The following PXMP2 variants were observed in gnomAD, a reference collection of about 807,000 sequenced individuals.
PXMP2 encodes the protein 22 kDa peroxisomal membrane protein.
In PXMP2, 13 loss-of-function variants were observed where a neutral mutation model predicts 20.2. The ratio of observed to expected loss-of-function variants is 0.64; its 90% CI spans 0.42 to 1.02. The LOEUF (loss-of-function observed/expected upper bound fraction) is 1.02, where lower values mean the gene tolerates loss of function less well. PXMP2 is among the 50% of genes least tolerant of loss of function. PXMP2 has a pLI of 0.00. For synonymous variants in PXMP2, 113 were observed against 111.2 expected, an observed-to-expected ratio of 1.02 and a Z score of -0.10; for missense variants, 284 against 251.8, an observed-to-expected ratio of 1.13 and a Z score of -0.87.
intron 4 of PXMP2, chr12:132,701,579 G>A (rs1007371631): frequency 4.9e-5 from 31 of 636,994 alleles, no homozygotes; most frequent in Non-Finnish European, 6.1e-5. Context: ...TTGCTAGTTC[G>A]GGATTCAGGA....
At chr12:132,701,871 C>T (rs1357093230) in intron 4 of PXMP2, among the ~76,000 whole-genome samples, 1 of 152,190 alleles carries the variant, frequency 6.6e-6, no homozygotes, top group Admixed American at 6.6e-5. Context: ...GGGCAAATCA[C>T]TTGAAGCCAG....
chr12:132,695,216 TAGTGCCCTTGCCAGTTAGTG>T (rs1371874119), intron 2 of PXMP2, among the ~76,000 whole-genome samples: 3 of 151,160 alleles, frequency 2.0e-5, no homozygotes, highest in South Asian at 4.2e-4. Flanking sequence ...CTTAGCCAGT[TAGTGCCCTTGCCAGTTAGTG>T]AGTGCCCTTG....
intron 2 of PXMP2, among the ~76,000 whole-genome samples, chr12:132,690,901 T>C (rs1439326242): frequency 1.3e-5 from 2 of 152,004 alleles, no homozygotes; most frequent in African/African-American, 4.8e-5. Flanking sequence ...ACTGTCTTAA[T>C]TGGGCTGAGA....
chr12:132,694,985 C>G (rs1379945327), intron 2 of PXMP2, among the ~76,000 whole-genome samples: 2 of 145,836 alleles, frequency 1.4e-5, no homozygotes, highest in African/African-American at 5.1e-5. Context: ...AGTGAGCTCC[C>G]TTAGCCAGTT....
chr12:132,693,549 TAGTC>T (rs1253400028), intron 2 of PXMP2, among the ~76,000 whole-genome samples: 1 of 87,942 alleles, frequency 1.1e-5, no homozygotes, highest in African/African-American at 4.1e-5. Context: ...TGAGCTCCCT[TAGTC>T]AGTTAGTTAG....
In PXMP2 at chr12:132,701,302, C is replaced by T. The variant is rs746492417; in HGVS notation, c.452C>T (p.Ala151Val). Residue 151 changes from alanine to valine, a missense_variant, in exon 4 of 5, where the codon GCG becomes GTG. By Grantham distance (64) the Ala-to-Val change is moderately conservative (BLOSUM62 0). Coordinates refer to ENST00000317479, the MANE Select transcript of PXMP2 (RefSeq NM_018663.3). ...AAGATGAGGGGGGGCTTCTGGCCGG[C>T]GCTGAGGATGAACTGGCGGGTGTGG... The part of the protein sequence containing the change: ...AAKMRGGFWP[A>V]LRMNWRVWTP... 4.5e-5 allele frequency: 72 copies of T among 1,612,708 alleles called. No homozygotes were observed. The highest frequency in any genetic ancestry group is 3.3e-4 in the Middle Eastern group (2 of 6,034).
At position 132,692,580 on chromosome 12, in the gene PXMP2, T is replaced by TA. The variant is rs1212607957; in HGVS notation, c.236+2205dup. On this transcript the variant is annotated intron_variant, in intron 2 of 4. Transcript: ENST00000317479. ...TTAGTGAGCACCCTTGCCAGTTAGT[T>TA]AGTGAGCGCCCTTGCCAGTTAGTTA... Among the ~76,000 whole-genome samples the TA allele has an allele frequency of 9.1e-4, 121 of 133,434 alleles. 1 individual carries two copies. The highest frequency in any genetic ancestry group is 1.0e-3 in the Admixed American group (14 of 13,436). The allele number at this position is 133,434 out of a possible 152,430, so 87.5% of individuals were successfully genotyped here. A position where few individuals can be genotyped will look rare whatever the true frequency, so the allele number is the denominator to read the frequency against.
Position 132,701,302 on chromosome 12 carries a change from C to A in PXMP2, c.452C>A (p.Ala151Glu), listed in dbSNP as rs746492417. Residue 151 changes from alanine to glutamate, a missense_variant, in exon 4 of 5, where the codon GCG (alanine) becomes GAG (glutamate). Transcript: ENST00000317479. ...AAGATGAGGGGGGGCTTCTGGCCGG[C>A]GCTGAGGATGAACTGGCGGGTGTGG... ...AAKMRGGFWP[A>E]LRMNWRVWTP... is the part of the protein sequence containing the mutation. 6.2e-6 allele frequency: 10 copies of A among 1,612,826 alleles called. No individual in the cohort carries two copies. The South Asian group carries it at 9.9e-5, about 16-fold the overall frequency.
chr12:132,702,466 G>T, intron 4 of PXMP2: 1 of 406,662 alleles, frequency 2.5e-6, no homozygotes, highest in Non-Finnish European at 5.0e-6. Context: ...TGGGAGGATG[G>T]GGTGCAGCAC....
intron 3 of PXMP2, among the ~76,000 whole-genome samples, chr12:132,698,072 G>A (rs1230712019): frequency 2.0e-5 from 3 of 150,140 alleles, no homozygotes; most frequent in Non-Finnish European, 3.0e-5. Context: ...AGTGTAGTGC[G>A]TGATCTCAGC....
rs115713282 is a variant in PXMP2, at chr12:132,699,969, T to C, written c.400-1281T>C. Among the ~76,000 whole-genome samples, 545 of 152,286 alleles carry C rather than the reference T, an allele frequency of 3.6e-3. 7 individuals are homozygous for C. Among genetic ancestry groups the C allele is most frequent in the African/African-American group, 0.013 (522 of 41,566 alleles). The stretch of plus-strand genomic sequence containing the variant: ...CTGTTTTCCAGAAGGGCTGTACTAA[T>C]TTGCATTCCCACCAGCAGTGTGTAA... On this transcript the variant is annotated intron_variant, in intron 3 of 4. Transcript: ENST00000317479.
At chr12:132,691,051 AT>A (rs35869908) in intron 2 of PXMP2, among the ~76,000 whole-genome samples, 52,692 of 133,568 alleles carry the variant, frequency 0.39, 9,257 homozygotes, top group Middle Eastern at 0.43. Context: ...TGTTATTTTA[AT>A]TTTTTTTTTT....
chr12:132,704,886 G>A lies in PXMP2; in HGVS notation c.*199G>A, dbSNP rs568034680. 4.8e-4 allele frequency: 289 copies of A among 607,496 alleles called. No homozygotes were observed. The Middle Eastern group carries it at 7.7e-3, about 16-fold the overall frequency. The allele number at this position is 607,496 out of a possible 1,614,324, so 37.6% of individuals were successfully genotyped here. Reference sequence around the variant, plus strand: ...TTTAAAAAGGCAGTCGCTGCCTTCAGGTGGTGCTGCCCCAGAAACTTAAAA... The same window carrying A: ...TTTAAAAAGGCAGTCGCTGCCTTCAAGTGGTGCTGCCCCAGAAACTTAAAA... On this transcript the variant is annotated 3_prime_UTR_variant, in exon 5 of 5. Coordinates refer to ENST00000317479, the MANE Select transcript of PXMP2 (RefSeq NM_018663.3).
chr12:132,691,291 G>T (rs984181955), intron 2 of PXMP2, among the ~76,000 whole-genome samples: 3 of 151,302 alleles, frequency 2.0e-5, no homozygotes, highest in African/African-American at 7.3e-5. Context: ...CTCGTGATCC[G>T]CCCACCTTGG....
Position 132,687,659 on chromosome 12 carries a change from G to A in PXMP2, c.-12G>A. 1 of 1,167,326 alleles carries A rather than the reference G, an allele frequency of 8.6e-7. No homozygotes were observed. Among genetic ancestry groups the A allele is most frequent in the Non-Finnish European group, 1.1e-6 (1 of 950,340 alleles). 72.3% of individuals were successfully genotyped at this position (1,167,326 alleles called of 1,614,324 possible). On this transcript the variant is annotated 5_prime_UTR_variant, in exon 1 of 5. Transcript: ENST00000317479. ...GGGTCGGTGCCCCCGGCGGCACGGC[G>A]CTGGGGAGGCGATGGCGCCGGCCGC...
chr12:132,688,124 C>A (rs1446414811), intron 1 of PXMP2: 1 of 182,758 alleles, frequency 5.5e-6, no homozygotes, highest in African/African-American at 2.5e-5. Context: ...TCCGCAGGCG[C>A]GGGTGAAGAC....
Position 132,696,144 on chromosome 12 carries a change from C to G in PXMP2, c.399+98C>G, listed in dbSNP as rs919164064. Reference sequence around the variant, plus strand: ...GAATTCAGAGGGTCTGCAGATTTTTCACTCAAATTGAAATTTTGCATTTTC... The same window carrying G: ...GAATTCAGAGGGTCTGCAGATTTTTGACTCAAATTGAAATTTTGCATTTTC... On this transcript the variant is annotated intron_variant, in intron 3 of 4. Coordinates refer to ENST00000317479, the MANE Select transcript of PXMP2 (RefSeq NM_018663.3). The surrounding 1 kb of genome is among the most constrained non-coding windows in gnomAD (Gnocchi z 4.4). The G allele has an allele frequency of 1.2e-5, 17 of 1,362,872 alleles. No individual in the cohort carries two copies. The highest frequency in any genetic ancestry group is 1.7e-5 in the Non-Finnish European group (17 of 1,020,372). 84.4% of individuals were successfully genotyped at this position (1,362,872 alleles called of 1,614,324 possible).
chr12:132,704,648 T>C lies in PXMP2; in HGVS notation c.549T>C (p.Ala183=). Residue 183 remains alanine, a synonymous_variant, in exon 5 of 5, where the codon GCT becomes GCC. Coordinates refer to ENST00000317479, the MANE Select transcript of PXMP2 (RefSeq NM_018663.3). ...KFRVLFANLA[A]LFWYAYLASL... is the part of the protein sequence containing the mutation. ...GGGTGCTCTTCGCCAACCTGGCAGC[T>C]CTGTTCTGGTATGCCTACCTGGCCT... is the stretch of plus-strand genomic sequence containing the variant. The C allele has an allele frequency of 2.0e-6, 3 of 1,503,918 alleles. No individual in the cohort carries two copies. Among genetic ancestry groups the C allele is most frequent in the Non-Finnish European group, 2.7e-6 (3 of 1,121,776 alleles). 93.2% of individuals were successfully genotyped at this position (1,503,918 alleles called of 1,614,324 possible).
chr12:132,703,954 G>A (rs1362422593), intron 4 of PXMP2, among the ~76,000 whole-genome samples: 53 of 152,282 alleles, frequency 3.5e-4, no homozygotes, highest in Non-Finnish European at 4.4e-4. Context: ...GGGAAGCCGC[G>A]CCTCTGAGTA....
Sources: allele counts gnomAD v4.1 joint callset (sites outside exome capture counted in the v4.1 genomes callset), GRCh38; gene constraint gnomAD v4.1.1; non-coding constraint Gnocchi (gnomAD v3.1); transcripts MANE v1.5; gene names NCBI Gene and HGNC (gene_info 2026-07-23, HGNC 2026-07-21).